The following BAHCC1 variants were observed in gnomAD, a reference collection of about 807,000 sequenced individuals.
BAHCC1 encodes the protein BAH and coiled-coil domain-containing protein 1.
In BAHCC1, 43 loss-of-function variants were observed where a neutral mutation model predicts 88.2. The ratio of observed to expected loss-of-function variants is 0.49; its 90% CI spans 0.38 to 0.63. The LOEUF is 0.63. Among genes scored for constraint, BAHCC1 ranks in the 20% least tolerant of loss-of-function variants. The pLI is 0.00. For missense variants in BAHCC1, 3,023 were observed against 1,654.8 expected (o/e 1.83, Z -14.34); for synonymous variants, 1,510 against 745.5 (o/e 2.03, Z -16.71).
chr17:81,447,223 C>A lies in BAHCC1; in HGVS notation c.3351C>A (p.Pro1117=). ...PPCSPRSLEE[P]GLLSGAREAT... The stretch of plus-strand genomic sequence containing the variant: ...GCAGCCCCAGGAGCCTGGAGGAGCC[C>A]GGGCTGCTCTCAGGGGCCAGGGAGG... The change falls in exon 11 of 28, where the codon CCC becomes CCA. Residue 1117 remains proline (P), a synonymous_variant. Coordinates refer to ENST00000675386, the MANE Select transcript of BAHCC1 (RefSeq NM_001377448.1). 1 of 738,124 alleles carries A rather than the reference C, an allele frequency of 1.4e-6. No homozygotes were observed. The allele number at this position is 738,124 out of a possible 1,614,324, so 45.7% of individuals were successfully genotyped here.
chr17:81,423,653 G>A (rs374040455), intron 2 of BAHCC1, among the ~76,000 whole-genome samples: 1 of 152,240 alleles, frequency 6.6e-6, no homozygotes, highest in East Asian at 1.9e-4. Flanking sequence ...GCTGGAGTGG[G>A]GGCCGCTCAG....
rs2064427406 is a variant in BAHCC1 at position 81,442,078 on chromosome 17, G to A, written c.729G>A (p.Glu243=). ...AEGKERPAAE[E]DGGKERHKLV... ...GCAAGGAGCGGCCAGCGGCAGAGGAGGACGGTGGCAAGGAGCGGCACAAGC... is the reference window on the plus strand; with the variant it reads ...GCAAGGAGCGGCCAGCGGCAGAGGAAGACGGTGGCAAGGAGCGGCACAAGC... Residue 243 remains glutamate (E), a synonymous_variant, in exon 5 of 28, where the codon GAG becomes GAA. Transcript: ENST00000675386. 2 of 710,160 alleles carry A rather than the reference G, an allele frequency of 2.8e-6. No individual in the cohort carries two copies. The highest frequency in any genetic ancestry group is 1.5e-5 in the South Asian group (1 of 66,744). 44.0% of individuals were successfully genotyped at this position (710,160 alleles called of 1,614,324 possible). A position where few individuals can be genotyped will look rare whatever the true frequency, so the allele number is the denominator to read the frequency against.
At chr17:81,405,976 G>A (rs1567994327) in intron 2 of BAHCC1, among the ~76,000 whole-genome samples, 1 of 152,240 alleles carries the variant, frequency 6.6e-6, no homozygotes, top group Non-Finnish European at 1.5e-5. Flanking sequence ...GCGATACAGG[G>A]ACTCCTCCTG....
rs781856828 is a variant in BAHCC1 at position 81,411,176 on chromosome 17, C to T, written c.178+11259C>T. ...AGGTGCCTGTGTCCTGTCTCTGCCC[C>T]AGGCTGAGGCCGAGGGTCTGCGCCA... is the stretch of plus-strand genomic sequence containing the variant. On this transcript the variant is annotated intron_variant, in intron 2 of 27. Transcript: ENST00000675386. The surrounding 1 kb of genome is among the most constrained non-coding windows in gnomAD (Gnocchi z 6.2). 3.9e-6 allele frequency: 2 copies of T among 518,530 alleles called. No homozygotes were observed. Among genetic ancestry groups the T allele is most frequent in the African/African-American group, 3.9e-5 (2 of 51,928 alleles). The allele number at this position is 518,530 out of a possible 1,614,324, so 32.1% of individuals were successfully genotyped here.
chr17:81,395,894 T>TG (rs1476974297), intron 1 of BAHCC1: 8 of 152,114 alleles, frequency 5.3e-5, no homozygotes, highest in Non-Finnish European at 1.2e-4. Flanking sequence ...ACCCCCGTAA[T>TG]GCATCCTTGC....
intron 2 of BAHCC1, among the ~76,000 whole-genome samples, chr17:81,400,381 C>G (rs571939686): frequency 1.3e-5 from 2 of 152,270 alleles, no homozygotes; most frequent in Non-Finnish European, 2.9e-5. Context: ...GTGTGTGCGC[C>G]GGGCGAGCGT....
At position 81,463,635 on chromosome 17, in the gene BAHCC1, G is replaced by A. The variant is rs782104817; in HGVS notation, c.7645G>A (p.Glu2549Lys). 3 of 779,560 alleles carry A rather than the reference G, an allele frequency of 3.8e-6. No individual in the cohort carries two copies. The highest frequency in any genetic ancestry group is 7.2e-6 in the Non-Finnish European group (3 of 417,904). 48.3% of individuals were successfully genotyped at this position (779,560 alleles called of 1,614,324 possible). ...GAATGCGCTGTACCAGTCCTGCCAC[G>A]AGGATGAGAACGACGTGCAGACCAT... ...GKNALYQSCH[E>K]DENDVQTISH... is the part of the protein sequence containing the mutation. Residue 2549 changes from glutamate (E) to lysine (K), a missense_variant, in exon 28 of 28, where the codon GAG becomes AAG. Glu to Lys is a moderately conservative substitution (Grantham distance 56, BLOSUM62 1). Coordinates refer to ENST00000675386, the MANE Select transcript of BAHCC1 (RefSeq NM_001377448.1).
At chr17:81,438,236 C>A in intron 3 of BAHCC1, 134 bp from the exon 4 acceptor site, 1 of 651,480 alleles carries the variant, frequency 1.5e-6, no homozygotes, top group Non-Finnish European at 2.8e-6. Flanking sequence ...GATTTCCCCC[C>A]GGCGGCTGCG....
In BAHCC1 at chr17:81,463,916, A is replaced by C. The variant is rs1429323577; in HGVS notation, c.*99A>C. 2 of 671,138 alleles carry C rather than the reference A, an allele frequency of 3.0e-6. No homozygotes were observed. The highest frequency in any genetic ancestry group is 4.2e-5 in the Admixed American group (2 of 47,210). 41.6% of individuals were successfully genotyped at this position (671,138 alleles called of 1,614,324 possible). On this transcript the variant is annotated 3_prime_UTR_variant, in exon 28 of 28. Coordinates refer to ENST00000675386, the MANE Select transcript of BAHCC1 (RefSeq NM_001377448.1). ...GGCAGGAGGCAGCCCCGGCCTCCCA[A>C]GGGCGCATCTGAGCAAATATGCAAA... is the stretch of plus-strand genomic sequence containing the variant.
intron 14 of BAHCC1, among the ~76,000 whole-genome samples, chr17:81,454,311 T>C (rs1308705411): frequency 6.6e-6 from 1 of 151,894 alleles, no homozygotes; most frequent in African/African-American, 2.4e-5. Context: ...TAGGCTGGAG[T>C]TGACTTCTGC....
At chr17:81,409,365 C>G (rs1437203870) in intron 2 of BAHCC1, among the ~76,000 whole-genome samples, 1 of 152,194 alleles carries the variant, frequency 6.6e-6, no homozygotes, top group African/African-American at 2.4e-5. Flanking sequence ...GCTCCTGTCC[C>G]CCGAAGGCTG....
chr17:81,451,577 G>A, intron 11 of BAHCC1, 91 bp from the exon 12 acceptor site: 2 of 640,630 alleles, frequency 3.1e-6, no homozygotes, highest in East Asian at 2.7e-5. Context: ...TCAAGGCTGG[G>A]TGGCTTCAGG....
chr17:81,459,340 G>A lies in BAHCC1; in HGVS notation c.5796+12G>A. On this transcript the variant is annotated intron_variant, in intron 22 of 27. Transcript: ENST00000675386. ...TGCTGCAGGAAGCGGTGAGGACCGGGCCGGCCCGCCCCGGGGAGGGGCCTG... is the reference window on the plus strand; with the variant it reads ...TGCTGCAGGAAGCGGTGAGGACCGGACCGGCCCGCCCCGGGGAGGGGCCTG... The A allele has an allele frequency of 1.3e-6, 1 of 776,744 alleles. No homozygotes were observed. The highest frequency in any genetic ancestry group is 2.4e-6 in the Non-Finnish European group (1 of 416,584). 48.1% of individuals were successfully genotyped at this position (776,744 alleles called of 1,614,324 possible).
At chr17:81,396,462 G>A (rs1163103564) in intron 1 of BAHCC1, 1 of 152,096 alleles carries the variant, frequency 6.6e-6, no homozygotes, top group African/African-American at 2.4e-5. Context: ...CAGTTCTCAT[G>A]ACTCTCCCAG....
At chr17:81,426,281 G>A (rs1463619566) in intron 2 of BAHCC1, among the ~76,000 whole-genome samples, 1 of 145,206 alleles carries the variant, frequency 6.9e-6, no homozygotes, top group African/African-American at 2.6e-5. Context: ...GGTTGGGGGT[G>A]ATTGTGGTGG....
intron 2 of BAHCC1, among the ~76,000 whole-genome samples, chr17:81,425,749 T>TG (rs149917502): frequency 2.9e-5 from 2 of 68,268 alleles, no homozygotes; most frequent in Admixed American, 1.5e-4. Context: ...ATGTGGTTGG[T>TG]GTGATGTGGT....
rs540225061 is a variant in BAHCC1 at position 81,423,881 on chromosome 17, G to A, written c.179-2919G>A. Reference sequence around the variant, plus strand: ...GGTCCGGGAGAGCTGGGCTGGGCGGGGCCTGGGGCGCTGGGGGCTCACCAT... The same window carrying A: ...GGTCCGGGAGAGCTGGGCTGGGCGGAGCCTGGGGCGCTGGGGGCTCACCAT... On this transcript the variant is annotated intron_variant, in intron 2 of 27. Coordinates refer to ENST00000675386, the MANE Select transcript of BAHCC1 (RefSeq NM_001377448.1). 1.2e-4 allele frequency among the ~76,000 whole-genome samples: 19 copies of A among 152,334 alleles called. No individual in the cohort carries two copies. The South Asian group carries it at 3.7e-3, about 30-fold the overall frequency.
intron 3 of BAHCC1, among the ~76,000 whole-genome samples, chr17:81,429,197 G>A (rs1212427158): frequency 2.0e-5 from 3 of 152,178 alleles, no homozygotes; most frequent in African/African-American, 7.2e-5. Context: ...AGGGGGTGCA[G>A]GGCGTGGCCT....
At position 81,411,699 on chromosome 17, in the gene BAHCC1, T is replaced by G. The variant is rs1281902068; in HGVS notation, c.178+11782T>G. ...CCTCCAGGCAGCTCCCCTTCCACTC[T>G]GCCCAGCCCACCCTGCCAGGGAGGC... is the stretch of plus-strand genomic sequence containing the variant. On this transcript the variant is annotated intron_variant, in intron 2 of 27. Coordinates refer to ENST00000675386, the MANE Select transcript of BAHCC1 (RefSeq NM_001377448.1). This position sits in a 1 kb window ranked among gnomAD's most constrained non-coding sequence, Gnocchi z 6.2. 1.6e-5 allele frequency: 5 copies of G among 317,130 alleles called. No individual in the cohort carries two copies. The East Asian group carries it at 5.1e-4, about 32-fold the overall frequency. The allele number at this position is 317,130 out of a possible 1,614,324, so 19.6% of individuals were successfully genotyped here.
Sources: gnomAD v4.1 joint callset for allele counts (sites outside exome capture counted in the v4.1 genomes callset) on GRCh38, gnomAD v4.1.1 for gene constraint, Gnocchi (gnomAD v3.1) non-coding constraint, MANE v1.5 for transcripts, NCBI Gene and HGNC (gene_info 2026-07-23, HGNC 2026-07-21) for gene names.